FRMPD3: variants seen among roughly 807,000 people sequenced by gnomAD.
FRMPD3 encodes the protein FERM and PDZ domain-containing protein 3.
A neutral mutation model predicts 97.9 loss-of-function variants in FRMPD3; 42 were observed. That is an observed-to-expected ratio of 0.43 (90% CI 0.34 to 0.55). The LOEUF is 0.55. Among genes scored for constraint, FRMPD3 ranks in the 20% least tolerant of loss-of-function variants. FRMPD3 has a pLI of 0.03. For synonymous variants in FRMPD3, 577 were observed against 581.1 expected, an observed-to-expected ratio of 0.99 and a Z score of 0.10; for missense variants, 1,303 against 1,457.7, an observed-to-expected ratio of 0.89 and a Z score of 1.73.
In FRMPD3 at chrX:107,602,853, T is replaced by G; in HGVS notation, c.4814T>G (p.Leu1605Arg). 1 of 1,210,093 alleles carries G rather than the reference T, an allele frequency of 8.3e-7. No individual in the cohort carries two copies. The highest frequency in any genetic ancestry group is 1.1e-6 in the Non-Finnish European group (1 of 894,987). The change falls in exon 15 of 15, where the codon CTG (leucine) becomes CGG (arginine). Residue 1605 changes from leucine (L) to arginine (R), a missense_variant. Leu to Arg is a moderately radical substitution (Grantham distance 102). This residue lies in a region of FRMPD3 where 764 missense variants were observed against 820.2 expected (regional missense o/e 0.93). Coordinates refer to ENST00000683843, the MANE Select transcript of FRMPD3 (RefSeq NM_001388459.1). ...GACACCAACGAGCTGCTGACAGTCC[T>G]GCGGCAGTGTGTGGCCAGCCCCGAG... ...RLDTNELLTV[L>R]RQCVASPEAR...
rs755906301 is a variant in FRMPD3, at chrX:107,545,774, C to G, written c.335C>G (p.Ala112Gly). ...GCTTTCATCAGTGCTGCGAAGAAGG[C>G]CAAGTTGAGGTCCAATCCTGTGAAG... Reference protein sequence around the residue: ...KSAFISAAKKAKLRSNPVKVR... With the variant: ...KSAFISAAKKGKLRSNPVKVR... The change falls in exon 5 of 15, where the codon GCC (alanine) becomes GGC (glycine). Residue 112 changes from alanine to glycine, a missense_variant. By Grantham distance (60) the Ala-to-Gly change is moderately conservative. Coordinates refer to ENST00000683843, the MANE Select transcript of FRMPD3 (RefSeq NM_001388459.1). The G allele has an allele frequency of 1.5e-5, 18 of 1,208,563 alleles. No homozygotes were observed. The highest frequency in any genetic ancestry group is 1.9e-5 in the Non-Finnish European group (17 of 894,794).
rs182689705 is a variant in FRMPD3 at position 107,471,459 on chromosome X, C to G, written c.-8+21454C>G. ...TGTCCTCTAAGTTCCCACCCGCCAT[C>G]CCCCCAACAGGCCCTGGTGTGTGTT... On this transcript the variant is annotated intron_variant, in intron 1 of 14. Transcript: ENST00000683843. 6.2e-3 allele frequency among the ~76,000 whole-genome samples: 683 copies of G among 110,875 alleles called. 1 individual carries two copies. The highest frequency in any genetic ancestry group is 0.022 in the African/African-American group (662 of 30,426).
At chrX:107,598,190 A>G (rs369564980) in intron 14 of FRMPD3, 48 bp downstream of exon 14, 9 of 1,057,473 alleles carry the variant, frequency 8.5e-6, no homozygotes, top group Admixed American at 2.4e-5. Context: ...CTCTTGTCCA[A>G]CAAGGGCCAG....
intron 1 of FRMPD3, among the ~76,000 whole-genome samples, chrX:107,502,642 T>TA (rs756356359): frequency 3.4e-4 from 38 of 110,222 alleles, no homozygotes; most frequent in African/African-American, 6.3e-4. Flanking sequence ...AAAAAGCCCT[T>TA]AAAAAAAACC....
intron 4 of FRMPD3, among the ~76,000 whole-genome samples, chrX:107,541,609 A>G (rs1433889156): frequency 8.9e-6 from 1 of 112,559 alleles, no homozygotes; most frequent in East Asian, 2.8e-4. Flanking sequence ...TCAGTGGTAC[A>G]AACAGAAACT....
At chrX:107,467,935 G>A (rs144533801) in intron 1 of FRMPD3, among the ~76,000 whole-genome samples, 1,221 of 111,529 alleles carry the variant, frequency 0.011, 12 homozygotes, top group African/African-American at 0.038. Flanking sequence ...TGTCTGGTAG[G>A]CCCTTCTATC....
intron 12 of FRMPD3, among the ~76,000 whole-genome samples, chrX:107,573,735 G>A (rs1039924921): frequency 8.9e-6 from 1 of 112,321 alleles, no homozygotes; most frequent in African/African-American, 3.2e-5. Context: ...CCTTATTGTG[G>A]CATGCATTGT....
intron 13 of FRMPD3, among the ~76,000 whole-genome samples, chrX:107,595,316 CAA>C (rs372328331): frequency 1.1e-4 from 10 of 94,399 alleles, no homozygotes; most frequent in Admixed American, 1.2e-4. Context: ...GACCCTGTAT[CAA>C]AAAAAAAAAA....
chrX:107,489,104 C>A (rs999448334), intron 1 of FRMPD3, among the ~76,000 whole-genome samples: 3 of 105,893 alleles, frequency 2.8e-5, no homozygotes, highest in Non-Finnish European at 3.9e-5. Context: ...TTTGTCCTTG[C>A]GATAGTTTGC....
At chrX:107,550,257 T>C (rs970619517) in intron 6 of FRMPD3, 101 bp downstream of exon 6, 2 of 554,953 alleles carry the variant, frequency 3.6e-6, no homozygotes, top group African/African-American at 4.6e-5. Context: ...TGCTTGCCAC[T>C]GGAGTAAGGT....
intron 10 of FRMPD3, among the ~76,000 whole-genome samples, chrX:107,561,166 T>C (rs1247728838): frequency 9.0e-6 from 1 of 110,977 alleles, no homozygotes; most frequent in Non-Finnish European, 1.9e-5. Context: ...GCATGTATCA[T>C]GTGGAAAGCA....
At position 107,560,278 on chromosome X, in the gene FRMPD3, G is replaced by C. The variant is rs761623723; in HGVS notation, c.784G>C (p.Glu262Gln). The C allele has an allele frequency of 3.3e-6, 4 of 1,208,736 alleles. No homozygotes were observed. The South Asian group carries it at 7.0e-5, about 21-fold the overall frequency. Residue 262 changes from glutamate (E) to glutamine (Q), a missense_variant, in exon 9 of 15, where the codon GAA becomes CAA. By Grantham distance (29) the Glu-to-Gln change is conservative (BLOSUM62 2). Around this residue, in one of 3 missense-constraint regions of FRMPD3, gnomAD observed 535 missense variants for 618.6 expected, o/e 0.86. Transcript: ENST00000683843. ...YIQSRNDVIR[E>Q]RFGMDPKPEM... ...ACAGAGTCGGAATGATGTTATTCGA[G>C]AACGCTTTGGAATGGATCCCAAGCC...
chrX:107,472,305 C>T (rs113789915), intron 1 of FRMPD3, among the ~76,000 whole-genome samples: 3,041 of 111,666 alleles, frequency 0.027, 94 homozygotes, highest in African/African-American at 0.094. Flanking sequence ...TTAATTAGAT[C>T]TCATTTGTCA....
intron 1 of FRMPD3, among the ~76,000 whole-genome samples, chrX:107,509,389 G>A (rs1026117290): frequency 4.5e-5 from 5 of 111,120 alleles, no homozygotes; most frequent in East Asian, 2.8e-4. Context: ...GGGGTGGTGC[G>A]TTAGATATGT....
chrX:107,452,599 C>T (rs756951021), intron 1 of FRMPD3, among the ~76,000 whole-genome samples: 1 of 111,514 alleles, frequency 9.0e-6, no homozygotes, highest in South Asian at 3.8e-4. Flanking sequence ...AGTAAGTGCC[C>T]CCTCCAACAT....
Position 107,601,162 on chromosome X carries a change from G to A in FRMPD3, c.3123G>A (p.Arg1041=), listed in dbSNP as rs1924485247. The A allele has an allele frequency of 8.3e-7, 1 of 1,208,858 alleles. No individual in the cohort carries two copies. Among genetic ancestry groups the A allele is most frequent in the Non-Finnish European group, 1.1e-6 (1 of 894,963 alleles). ...GCCCCAGAGCACCCACAGGCAGCCG[G>A]GCTGACAGCCTGCACCTCTCCCAAC... ...SSSPRAPTGS[R]ADSLHLSQQE... Residue 1041 remains arginine, a synonymous_variant, in exon 15 of 15, where the codon CGG becomes CGA. Coordinates refer to ENST00000683843, the MANE Select transcript of FRMPD3 (RefSeq NM_001388459.1).
intron 2 of FRMPD3, among the ~76,000 whole-genome samples, chrX:107,530,055 C>G (rs1922869380): frequency 8.9e-6 from 1 of 112,364 alleles, no homozygotes; most frequent in Admixed American, 9.4e-5. Context: ...CCCTTGCCTT[C>G]AAAGGCAGAC....
intron 4 of FRMPD3, among the ~76,000 whole-genome samples, chrX:107,538,939 G>A (rs1188684970): frequency 8.9e-6 from 1 of 112,431 alleles, no homozygotes; most frequent in Non-Finnish European, 1.9e-5. Flanking sequence ...GATTACAGGC[G>A]TGAGCCACCA....
At chrX:107,541,449 A>G (rs1921298119) in intron 4 of FRMPD3, among the ~76,000 whole-genome samples, 1 of 112,857 alleles carries the variant, frequency 8.9e-6, no homozygotes, top group Admixed American at 9.4e-5. Context: ...TTAGAGACCA[A>G]CAGGACAAGG....
Sources: allele counts gnomAD v4.1 joint callset (sites outside exome capture counted in the v4.1 genomes callset), GRCh38; gene constraint gnomAD v4.1.1; regional missense constraint gnomAD v4.1.1; transcripts MANE v1.5; gene names NCBI Gene and HGNC (gene_info 2026-07-23, HGNC 2026-07-21).